The following NRG1 variants were observed in gnomAD, a reference collection of about 807,000 sequenced individuals.
NRG1 encodes the protein neuregulin 1.
In NRG1, 18 loss-of-function variants were observed where a neutral mutation model predicts 63.8. The ratio of observed to expected loss-of-function variants is 0.28; its 90% CI spans 0.19 to 0.42. The LOEUF is 0.42. Ranked by LOEUF, NRG1 falls within the 10% of genes least tolerant of loss-of-function variation. The pLI is 1.00. For synonymous variants in NRG1, 302 were observed against 301.3 expected, an observed-to-expected ratio of 1.00 and a Z score of -0.02; for missense variants, 762 against 814.7, an observed-to-expected ratio of 0.94 and a Z score of 0.79.
intron 1 of NRG1, among the ~76,000 whole-genome samples, chr8:31,815,167 A>G (rs1232984874): frequency 6.6e-6 from 1 of 152,156 alleles, no homozygotes; most frequent in African/African-American, 2.4e-5. Context: ...TGGAACTATC[A>G]CCAGAATCCA....
chr8:31,672,592 T>C (rs560535347), intron 1 of NRG1, among the ~76,000 whole-genome samples: 11 of 151,942 alleles, frequency 7.2e-5, no homozygotes, highest in Middle Eastern at 6.8e-3. Context: ...GCACAGGAAA[T>C]ATGTGTTTTC....
At chr8:32,649,214 G>A (rs1036713078) in intron 5 of NRG1, among the ~76,000 whole-genome samples, 15 of 147,660 alleles carry the variant, frequency 1.0e-4, no homozygotes, top group South Asian at 2.1e-4. Flanking sequence ...AGATTGCAGC[G>A]GCCCAGTTTA....
At chr8:32,222,391 TA>T (rs1481561184) in intron 1 of NRG1, among the ~76,000 whole-genome samples, 1 of 152,212 alleles carries the variant, frequency 6.6e-6, no homozygotes, top group African/African-American at 2.4e-5. Context: ...TTGGAATTTC[TA>T]AAGTTCTGTG....
At chr8:32,458,231 TAAA>T (rs1465900028) in intron 1 of NRG1, among the ~76,000 whole-genome samples, 1 of 152,204 alleles carries the variant, frequency 6.6e-6, no homozygotes, top group African/African-American at 2.4e-5. Flanking sequence ...TAGAGCACTT[TAAA>T]AGTACATTGG....
intron 1 of NRG1, among the ~76,000 whole-genome samples, chr8:31,738,153 A>G (rs1318892749): frequency 1.3e-5 from 2 of 152,100 alleles, no homozygotes; most frequent in South Asian, 2.1e-4. Flanking sequence ...ATGGAAGAGG[A>G]TGAGGCCTAT....
intron 1 of NRG1, among the ~76,000 whole-genome samples, chr8:32,310,766 T>A (rs1197498169): frequency 6.6e-6 from 1 of 152,216 alleles, no homozygotes; most frequent in Non-Finnish European, 1.5e-5. Flanking sequence ...CATTTGAAAG[T>A]CCAGGCTTCT....
chr8:31,739,747 T>C (rs1010398501), intron 1 of NRG1, among the ~76,000 whole-genome samples: 2 of 152,110 alleles, frequency 1.3e-5, no homozygotes, highest in African/African-American at 2.4e-5. Context: ...ATGCTCGTGT[T>C]GTCAGTTGCA....
chr8:32,201,063 T>C (rs1283088637), intron 1 of NRG1, among the ~76,000 whole-genome samples: 1 of 152,186 alleles, frequency 6.6e-6, no homozygotes, highest in Non-Finnish European at 1.5e-5. Context: ...TCAGGCCAAC[T>C]TACTTGTACC....
intron 5 of NRG1, among the ~76,000 whole-genome samples, chr8:32,666,109 C>T (rs1372598872): frequency 2.6e-5 from 4 of 152,172 alleles, no homozygotes; most frequent in Non-Finnish European, 5.9e-5. Context: ...GATTCCTTCA[C>T]GTCCAAAGCA....
chr8:32,528,544 C>T (rs1368822618), intron 1 of NRG1, among the ~76,000 whole-genome samples: 2 of 152,172 alleles, frequency 1.3e-5, no homozygotes, highest in African/African-American at 4.8e-5. Context: ...GATAGCAACT[C>T]TGTTCATGAG....
intron 1 of NRG1, among the ~76,000 whole-genome samples, chr8:31,966,729 T>C (rs993952278): frequency 6.6e-6 from 1 of 152,176 alleles, no homozygotes; most frequent in African/African-American, 2.4e-5. Flanking sequence ...GAATAACCTA[T>C]GTATATTACT....
At chr8:31,873,559 A>AAAAAC (rs763554964) in intron 1 of NRG1, among the ~76,000 whole-genome samples, 48 of 152,300 alleles carry the variant, frequency 3.2e-4, no homozygotes, top group Middle Eastern at 6.8e-3. Flanking sequence ...ACTCCGTCTG[A>AAAAAC]AAAACAAAAC....
At chr8:32,504,644 G>T (rs1828312200) in intron 1 of NRG1, among the ~76,000 whole-genome samples, 1 of 151,962 alleles carries the variant, frequency 6.6e-6, no homozygotes, top group Admixed American at 6.6e-5. Context: ...ATTATTTTAA[G>T]ATTTTAGCCA....
intron 6 of NRG1, among the ~76,000 whole-genome samples, chr8:32,735,000 T>C (rs2129028042): frequency 6.6e-6 from 1 of 152,300 alleles, no homozygotes; most frequent in Middle Eastern, 3.4e-3. Flanking sequence ...AATTGAATTA[T>C]AAATCACAGG....
At chr8:32,411,973 T>C (rs1815028592) in intron 1 of NRG1, among the ~76,000 whole-genome samples, 1 of 152,114 alleles carries the variant, frequency 6.6e-6, no homozygotes, top group African/African-American at 2.4e-5. Context: ...GTCCCAGACA[T>C]TTGTCCAGCC....
chr8:32,771,705 T>TAAAAAA (rs1831806482), downstream of NRG1, among the ~76,000 whole-genome samples: 2 of 3,112 alleles, frequency 6.4e-4, no homozygotes, highest in Admixed American at 0.011. Context: ...TTCCATTTCT[T>TAAAAAA]TAAAAAAAAA....
At chr8:32,544,978 G>T (rs1169774701), upstream of NRG1, among the ~76,000 whole-genome samples, 1 of 151,864 alleles carries the variant, frequency 6.6e-6, no homozygotes, top group Non-Finnish European at 1.5e-5. Context: ...AGTAATCTTT[G>T]TTTACATTAT....
chr8:32,463,858 A>G (rs1822653437), intron 1 of NRG1, among the ~76,000 whole-genome samples: 1 of 142,040 alleles, frequency 7.0e-6, no homozygotes, highest in African/African-American at 2.5e-5. Flanking sequence ...CACACACACG[A>G]AAAAAACTTA....
intron 1 of NRG1, among the ~76,000 whole-genome samples, chr8:32,569,804 G>A (rs1243872481): frequency 1.3e-5 from 2 of 151,648 alleles, no homozygotes; most frequent in Admixed American, 1.3e-4. Flanking sequence ...TACCTTGGGG[G>A]TGGGCATCAG....
Sources: allele counts gnomAD v4.1 joint callset (sites outside exome capture counted in the v4.1 genomes callset), GRCh38; gene constraint gnomAD v4.1.1; transcripts MANE v1.5; gene names NCBI Gene and HGNC (gene_info 2026-07-23, HGNC 2026-07-21).